SLC2A9: variants seen among roughly 807,000 people sequenced by gnomAD.
SLC2A9 encodes the protein solute carrier family 2, facilitated glucose transporter member 9.
A neutral mutation model predicts 50.6 loss-of-function variants in SLC2A9; 39 were observed. The observed-to-expected ratio is 0.77, with a 90% confidence interval of 0.60 to 1.01. The LOEUF is 1.01. SLC2A9 is among the 50% of genes least tolerant of loss of function. SLC2A9 has a pLI of 0.00. For missense variants in SLC2A9, 686 were observed against 677.6 expected (o/e 1.01, Z -0.14); for synonymous variants, 324 against 276.9 (o/e 1.17, Z -1.69).
At chr4:9,817,595 A>G (rs983926610) in intron 3 of SLC2A9, among the ~76,000 whole-genome samples, 14 of 152,230 alleles carry the variant, frequency 9.2e-5, no homozygotes, top group African/African-American at 2.9e-4. Flanking sequence ...TGTCCTCGTT[A>G]CTGCAAATGT....
chr4:9,970,075 T>C (rs572842192), intron 5 of SLC2A9, among the ~76,000 whole-genome samples: 1 of 152,204 alleles, frequency 6.6e-6, no homozygotes, highest in Non-Finnish European at 1.5e-5. Context: ...GGTGGAAAAC[T>C]GTGAGTCCTC....
intron 5 of SLC2A9, among the ~76,000 whole-genome samples, chr4:9,951,856 C>A (rs1218955910): frequency 4.6e-5 from 7 of 152,302 alleles, no homozygotes; most frequent in African/African-American, 1.7e-4. Flanking sequence ...AGGAAATTTA[C>A]AAAAGATTCA....
intron 2 of SLC2A9, among the ~76,000 whole-genome samples, chr4:9,998,986 CA>C (rs1009002357): frequency 6.7e-6 from 1 of 150,152 alleles, no homozygotes; most frequent in African/African-American, 2.5e-5. Flanking sequence ...GGTAAAACTA[CA>C]AAGAAAGAAT....
chr4:9,901,469 C>T (rs1739600892), intron 8 of SLC2A9, among the ~76,000 whole-genome samples: 2 of 152,292 alleles, frequency 1.3e-5, no homozygotes, highest in South Asian at 4.1e-4. Context: ...AACGCTGTTT[C>T]TACCCTTGTC....
intron 10 of SLC2A9, among the ~76,000 whole-genome samples, chr4:9,849,779 T>C (rs559073875): frequency 9.3e-4 from 142 of 152,204 alleles, no homozygotes; most frequent in African/African-American, 3.3e-3. Context: ...TTCTGTTTGG[T>C]GGTGAGTTAA....
At chr4:9,943,907 C>A (rs1022478388) in intron 5 of SLC2A9, among the ~76,000 whole-genome samples, 6 of 152,182 alleles carry the variant, frequency 3.9e-5, no homozygotes, top group African/African-American at 1.4e-4. Context: ...CAGCCGCCAG[C>A]CCCACACACA....
downstream of SLC2A9, among the ~76,000 whole-genome samples, chr4:9,825,746 C>G (rs1725035446): frequency 6.6e-6 from 1 of 152,168 alleles, no homozygotes; most frequent in Non-Finnish European, 1.5e-5. Context: ...GAGCCCATTC[C>G]TGGAACACAG....
At chr4:9,985,408 C>CA (rs1363486516) in intron 4 of SLC2A9, among the ~76,000 whole-genome samples, 4 of 152,324 alleles carry the variant, frequency 2.6e-5, no homozygotes, top group Non-Finnish European at 4.4e-5. Context: ...GAAGGCATGA[C>CA]ATGCTGAAGA....
At chr4:9,816,795 G>A (rs574312232) in intron 3 of SLC2A9, among the ~76,000 whole-genome samples, 1 of 151,706 alleles carries the variant, frequency 6.6e-6, no homozygotes, top group African/African-American at 2.4e-5. Flanking sequence ...AAGTGTGAAA[G>A]TATTTCAACA....
At chr4:9,829,357 T>G (rs1725661726) in intron 11 of SLC2A9, among the ~76,000 whole-genome samples, 2 of 150,810 alleles carry the variant, frequency 1.3e-5, no homozygotes, top group African/African-American at 2.4e-5. Context: ...AAAAATTAAC[T>G]CAAGATGCTT....
intron 10 of SLC2A9, among the ~76,000 whole-genome samples, chr4:9,883,949 G>C (rs1735691273): frequency 6.6e-6 from 1 of 152,186 alleles, no homozygotes; most frequent in African/African-American, 2.4e-5. Context: ...TGTTACCCCA[G>C]GTCAGGGCTC....
chr4:9,876,899 A>G (rs1577655359), intron 10 of SLC2A9, among the ~76,000 whole-genome samples: 1 of 152,226 alleles, frequency 6.6e-6, no homozygotes, highest in East Asian at 1.9e-4. Flanking sequence ...TTTAGTTTTA[A>G]GTCTAGATTT....
chr4:9,855,672 A>G (rs182881528), intron 10 of SLC2A9, among the ~76,000 whole-genome samples: 1 of 152,320 alleles, frequency 6.6e-6, no homozygotes, highest in African/African-American at 2.4e-5. Context: ...CTAAGCAAAA[A>G]GAACAAAGCA....
intron 3 of SLC2A9, among the ~76,000 whole-genome samples, chr4:9,988,671 G>A (rs1422680588): frequency 6.6e-6 from 1 of 152,180 alleles, no homozygotes; most frequent in Non-Finnish European, 1.5e-5. Context: ...CACCTAGGAT[G>A]CCTGATTCAT....
chr4:9,996,873 C>A lies in SLC2A9; in HGVS notation c.318G>T (p.Leu106=), dbSNP rs749010726. The change falls in exon 3 of 12, where the codon CTG becomes CTT. Residue 106 remains leucine (L), a synonymous_variant. Transcript: ENST00000264784. ...RHGRPIDPDT[L]TLLWSVTVSI... is the part of the protein sequence containing the mutation. ...ACACAGTCACAGACCAGAGCAAAGTCAGAGTGTCTGGGTCTATTGGACGTC... is the reference window on the plus strand; with the variant it reads ...ACACAGTCACAGACCAGAGCAAAGTAAGAGTGTCTGGGTCTATTGGACGTC... 2 of 1,614,148 alleles carry A rather than the reference C, an allele frequency of 1.2e-6. No homozygotes were observed. The highest frequency in any genetic ancestry group is 1.7e-6 in the Non-Finnish European group (2 of 1,179,984).
intron 4 of SLC2A9, among the ~76,000 whole-genome samples, chr4:9,982,842 G>C (rs1053580395): frequency 6.6e-6 from 1 of 152,202 alleles, no homozygotes; most frequent in African/African-American, 2.4e-5. Context: ...ACTTCAATAC[G>C]TAGAACATCG....
At chr4:10,002,217 GCCCT>G (rs1759963986) in intron 2 of SLC2A9, among the ~76,000 whole-genome samples, 1 of 152,192 alleles carries the variant, frequency 6.6e-6, no homozygotes, top group Non-Finnish European at 1.5e-5. Context: ...TGGCTCTCCA[GCCCT>G]CCCACTGATC....
chr4:9,849,868 T>A (rs887976651), intron 10 of SLC2A9, among the ~76,000 whole-genome samples: 6 of 151,972 alleles, frequency 3.9e-5, no homozygotes, highest in African/African-American at 1.5e-4. Flanking sequence ...GTCTTGCTGG[T>A]AGGTTCTCAT....
chr4:9,847,926 C>T (rs957096475), intron 10 of SLC2A9, among the ~76,000 whole-genome samples: 1 of 152,116 alleles, frequency 6.6e-6, no homozygotes, highest in Admixed American at 6.5e-5. Flanking sequence ...AGGAATTTTC[C>T]TCCTGTTGTA....
Sources: allele counts gnomAD v4.1 joint callset (sites outside exome capture counted in the v4.1 genomes callset), GRCh38; gene constraint gnomAD v4.1.1; transcripts MANE v1.5; gene names NCBI Gene and HGNC (gene_info 2026-07-23, HGNC 2026-07-21).